CACNA1C: variants seen among roughly 807,000 people sequenced by gnomAD.
CACNA1C encodes calcium voltage-gated channel subunit alpha1 C.
CACNA1C carries 30 observed loss-of-function variants against 229.0 expected under a neutral mutation model. The ratio of observed to expected loss-of-function variants is 0.13; its 90% CI spans 0.10 to 0.18. CACNA1C has a LOEUF of 0.18. CACNA1C is among the 10% of genes least tolerant of loss of function. The pLI is 1.00. For synonymous variants in CACNA1C, 1,114 were observed against 1,132.5 expected (o/e 0.98, Z 0.33); for missense variants, 1,658 against 2,845.0 (o/e 0.58, Z 9.49).
chr12:2,252,969 A>G (rs143292267), intron 3 of CACNA1C, among the ~76,000 whole-genome samples: 242 of 152,056 alleles, frequency 1.6e-3, no homozygotes, highest in Non-Finnish European at 2.8e-3. Context: ...CCCTTGTGTT[A>G]CATGGGCAGG....
At chr12:2,424,909 G>A (rs1211515598) in intron 3 of CACNA1C, among the ~76,000 whole-genome samples, 1 of 152,212 alleles carries the variant, frequency 6.6e-6, no homozygotes, top group African/African-American at 2.4e-5. Context: ...CAGGGCTGTG[G>A]TCCTCTATTG....
chr12:2,120,261 T>G, intron 2 of CACNA1C, 64 bp from the exon 3 acceptor site: 1 of 844,082 alleles, frequency 1.2e-6, no homozygotes, highest in Non-Finnish European at 2.1e-6. Context: ...TTAAAAAATA[T>G]GTAGATTATG....
In CACNA1C at chr12:2,054,040, C is replaced by T. The variant is rs1315466282; in HGVS notation, c.49+429C>T. 1.4e-5 allele frequency among the ~76,000 whole-genome samples: 2 copies of T among 146,502 alleles called. No individual in the cohort carries two copies. Among genetic ancestry groups the T allele is most frequent in the Non-Finnish European group, 1.5e-5 (1 of 65,920 alleles). On this transcript the variant is annotated intron_variant, in intron 1 of 46. Coordinates refer to ENST00000399655, the MANE Select transcript of CACNA1C (RefSeq NM_000719.7). This position sits in a 1 kb window ranked among gnomAD's most constrained non-coding sequence, Gnocchi z 5.5. ...GCCCGGCTCGGGGCGCGGCTGGGAGCGCGCGCGCGCGCACCCTGCGCCGGC... is the reference window on the plus strand; with the variant it reads ...GCCCGGCTCGGGGCGCGGCTGGGAGTGCGCGCGCGCGCACCCTGCGCCGGC...
At chr12:2,187,819 G>T (rs2097091853) in intron 3 of CACNA1C, among the ~76,000 whole-genome samples, 1 of 152,238 alleles carries the variant, frequency 6.6e-6, no homozygotes, top group African/African-American at 2.4e-5. Flanking sequence ...CATCCCTCAT[G>T]CCTGCAGCAG....
intron 1 of CACNA1C, among the ~76,000 whole-genome samples, chr12:1,980,143 T>TC (rs2035688295): frequency 6.6e-6 from 1 of 152,118 alleles, no homozygotes; most frequent in Non-Finnish European, 1.5e-5. Context: ...GGCATACATA[T>TC]CCACCTAAAA....
chr12:2,592,926 G>A (rs1007448459), intron 18 of CACNA1C, among the ~76,000 whole-genome samples: 1 of 151,990 alleles, frequency 6.6e-6, no homozygotes, highest in African/African-American at 2.4e-5. Context: ...AACGACCCCA[G>A]TTTGCCCAGA....
intron 1 of CACNA1C, among the ~76,000 whole-genome samples, chr12:2,015,871 A>G (rs900432488): frequency 6.6e-6 from 1 of 152,228 alleles, no homozygotes; most frequent in Non-Finnish European, 1.5e-5. Flanking sequence ...GTTGCTAATC[A>G]TATCTATTTG....
intron 29 of CACNA1C, among the ~76,000 whole-genome samples, chr12:2,618,906 C>T (rs543563906): frequency 2.6e-5 from 4 of 152,354 alleles, no homozygotes; most frequent in African/African-American, 7.2e-5. Flanking sequence ...TGTACTTTCT[C>T]TCCAACTTGA....
Position 2,280,276 on chromosome 12 carries a change from GCTGTGCTTCGGTTTAACCTCTTGAT to G in CACNA1C, c.477+159847_477+159871del, listed in dbSNP as rs1447460032. ...CTTCGGTTTAACCTCTTGATACCTT[GCTGTGCTTCGGTTTAACCTCTTGAT>G]ACCTTGCTGTGCTTCGGTTTGACCT... On this transcript the variant is annotated intron_variant, in intron 3 of 46. Coordinates refer to ENST00000399655, the MANE Select transcript of CACNA1C (RefSeq NM_000719.7). Among the ~76,000 whole-genome samples the G allele has an allele frequency of 1.6e-3, 135 of 82,704 alleles. 1 individual carries two copies. Among genetic ancestry groups the G allele is most frequent in the South Asian group, 4.6e-3 (8 of 1,742 alleles). The allele number at this position is 82,704 out of a possible 152,430, so 54.3% of individuals were successfully genotyped here. A position where few individuals can be genotyped will look rare whatever the true frequency, so the allele number is the denominator to read the frequency against.
chr12:2,170,254 C>T (rs1242043627), intron 3 of CACNA1C, among the ~76,000 whole-genome samples: 3 of 152,156 alleles, frequency 2.0e-5, no homozygotes, highest in African/African-American at 4.8e-5. Flanking sequence ...ATTCTTTTTC[C>T]ATGGTGTCAT....
At chr12:2,501,859 C>T (rs2239096) in intron 7 of CACNA1C, among the ~76,000 whole-genome samples, 1 of 152,172 alleles carries the variant, frequency 6.6e-6, no homozygotes, top group Non-Finnish European at 1.5e-5. Context: ...AACAGATGCT[C>T]TTTTGCTGGA....
intron 3 of CACNA1C, among the ~76,000 whole-genome samples, chr12:2,446,063 G>A (rs2099274427): frequency 6.7e-6 from 1 of 150,068 alleles, no homozygotes; most frequent in Admixed American, 6.6e-5. Flanking sequence ...GTGGGTGAGT[G>A]GATGAGTAGA....
chr12:2,059,598 C>T (rs780887412), intron 1 of CACNA1C, among the ~76,000 whole-genome samples: 2 of 152,054 alleles, frequency 1.3e-5, no homozygotes, highest in Non-Finnish European at 2.9e-5. Context: ...TGTGCTATAC[C>T]CTGTGTGTAT....
At chr12:2,209,387 G>T (rs992201226) in intron 3 of CACNA1C, among the ~76,000 whole-genome samples, 41 of 152,122 alleles carry the variant, frequency 2.7e-4, no homozygotes, top group African/African-American at 9.9e-4. Context: ...TCACGGGGAG[G>T]AGTCATAGTG....
chr12:2,188,658 A>G (rs2097118270), intron 3 of CACNA1C, among the ~76,000 whole-genome samples: 1 of 152,172 alleles, frequency 6.6e-6, no homozygotes, highest in Non-Finnish European at 1.5e-5. Context: ...TTTTAGGCCT[A>G]TATTATACTT....
chr12:2,486,331 TGG>T lies in CACNA1C; in HGVS notation c.916+70_916+71del. The T allele has an allele frequency of 7.4e-7, 1 of 1,354,720 alleles. No homozygotes were observed. Among genetic ancestry groups the T allele is most frequent in the Admixed American group, 1.9e-5 (1 of 53,150 alleles). 83.9% of individuals were successfully genotyped at this position (1,354,720 alleles called of 1,614,324 possible). A position where few individuals can be genotyped will look rare whatever the true frequency, so the allele number is the denominator to read the frequency against. ...TCGCTCCCAGCACCTTTCCCGCTGC[TGG>T]CTACACCAACATGACCAGCAGAGCC... is the stretch of plus-strand genomic sequence containing the variant. On this transcript the variant is annotated intron_variant, in intron 6 of 46. Transcript: ENST00000399655. This position sits in a 1 kb window ranked among gnomAD's most constrained non-coding sequence, Gnocchi z 4.9.
intron 3 of CACNA1C, among the ~76,000 whole-genome samples, chr12:2,154,214 TA>T (rs991221401): frequency 3.3e-5 from 5 of 152,098 alleles, no homozygotes; most frequent in African/African-American, 1.2e-4. Context: ...AGGCCCTACT[TA>T]AAAACAAACA....
At chr12:2,263,759 G>A (rs947777517) in intron 3 of CACNA1C, among the ~76,000 whole-genome samples, 2 of 152,058 alleles carry the variant, frequency 1.3e-5, no homozygotes, top group East Asian at 1.9e-4. Flanking sequence ...GTGAATGGAA[G>A]GCTGGAGAGT....
chr12:2,317,812 G>A (rs566201410), intron 3 of CACNA1C, among the ~76,000 whole-genome samples: 1 of 152,308 alleles, frequency 6.6e-6, no homozygotes, highest in Admixed American at 6.5e-5. Context: ...ACACAGTCTG[G>A]GTGGAGAGGA....
Sources: gnomAD v4.1 joint callset for allele counts (sites outside exome capture counted in the v4.1 genomes callset) on GRCh38, gnomAD v4.1.1 for gene constraint, Gnocchi (gnomAD v3.1) non-coding constraint, MANE v1.5 for transcripts, NCBI Gene and HGNC (gene_info 2026-07-23, HGNC 2026-07-21) for gene names.